ADAMTS18: variants seen among roughly 807,000 people sequenced by gnomAD.
ADAMTS18 encodes the protein A disintegrin and metalloproteinase with thrombospondin motifs 18.
In ADAMTS18, 157 loss-of-function variants were observed where a neutral mutation model predicts 165.9. The observed-to-expected ratio is 0.95, with a 90% CI of 0.83 to 1.08. The LOEUF (loss-of-function observed/expected upper bound fraction) is 1.08, where lower values mean the gene tolerates loss of function less well. Among genes scored for constraint, ADAMTS18 ranks in the 50% least tolerant of loss-of-function variants. The pLI is 0.00. For missense variants in ADAMTS18, 2,040 were observed against 1,534.0 expected (o/e 1.33, Z -5.51); for synonymous variants, 782 against 578.2 (o/e 1.35, Z -5.06).
chr16:77,316,730 T>C (rs868660765), intron 16 of ADAMTS18, among the ~76,000 whole-genome samples: 28 of 152,318 alleles, frequency 1.8e-4, no homozygotes, highest in Non-Finnish European at 3.1e-4. Context: ...AGTGCAGTGG[T>C]GCGATCTCGG....
rs2055190695 is a variant in ADAMTS18 at position 77,283,636 on chromosome 16, A to T, written c.*320T>A. ...TTTGCCCTTGAACCCTTTGAAGTTCAAAAGGGGGTCTCTCCCCAAATCGAC... is the reference window on the plus strand; with the variant it reads ...TTTGCCCTTGAACCCTTTGAAGTTCTAAAGGGGGTCTCTCCCCAAATCGAC... On this transcript the variant is annotated 3_prime_UTR_variant, in exon 23 of 23. Coordinates refer to ENST00000282849, the MANE Select transcript of ADAMTS18 (RefSeq NM_199355.4). 6.1e-6 allele frequency: 2 copies of T among 326,514 alleles called. No homozygotes were observed. Among genetic ancestry groups the T allele is most frequent in the African/African-American group, 4.3e-5 (2 of 46,478 alleles). The allele number at this position is 326,514 out of a possible 1,614,324, so 20.2% of individuals were successfully genotyped here. A position where few individuals can be genotyped will look rare whatever the true frequency, so the allele number is the denominator to read the frequency against.
intron 3 of ADAMTS18, 46 bp from the exon 4 acceptor site, chr16:77,367,769 C>G: frequency 6.2e-7 from 1 of 1,613,498 alleles, no homozygotes; most frequent in East Asian, 2.2e-5. Context: ...CCATGCATCC[C>G]TGTGCCAAGG....
chr16:77,427,629 A>G (rs1419052146), intron 3 of ADAMTS18, among the ~76,000 whole-genome samples: 1 of 152,164 alleles, frequency 6.6e-6, no homozygotes, highest in Admixed American at 6.5e-5. Flanking sequence ...TTTCTAGGTT[A>G]CCCTATAAAA....
intron 3 of ADAMTS18, among the ~76,000 whole-genome samples, chr16:77,388,348 C>A (rs1031635571): frequency 1.3e-5 from 2 of 152,208 alleles, no homozygotes; most frequent in Non-Finnish European, 2.9e-5. Flanking sequence ...GATCCGCCTG[C>A]CTCAGCCTCC....
chr16:77,355,958 T>C lies in ADAMTS18; in HGVS notation c.1442A>G (p.Tyr481Cys), dbSNP rs1180715980. Residue 481 changes from tyrosine (Y) to cysteine (C), a missense_variant, in exon 9 of 23, where the codon TAT (tyrosine) becomes TGT (cysteine). Coordinates refer to ENST00000282849, the MANE Select transcript of ADAMTS18 (RefSeq NM_199355.4). Reference sequence around the variant, plus strand: ...GTCATACCTGAGGAATTTCTTGAGATACTGGCGGCTGCAGGAAGACCATGA... The same window carrying C: ...GTCATACCTGAGGAATTTCTTGAGACACTGGCGGCTGCAGGAAGACCATGA... ...VFSWSSCSRQ[Y>C]LKKFLSTPQA... The C allele has an allele frequency of 6.2e-7, 1 of 1,613,954 alleles. No homozygotes were observed. Among genetic ancestry groups the C allele is most frequent in the Non-Finnish European group, 8.5e-7 (1 of 1,179,946 alleles).
chr16:77,290,965 C>T (rs935186567), intron 21 of ADAMTS18: 1 of 447,964 alleles, frequency 2.2e-6, no homozygotes, highest in Non-Finnish European at 4.1e-6. Flanking sequence ...TCCGTAGCAA[C>T]AGCAATGACC....
chr16:77,409,860 T>C (rs1402963088), intron 3 of ADAMTS18, among the ~76,000 whole-genome samples: 1 of 152,162 alleles, frequency 6.6e-6, no homozygotes, highest in Non-Finnish European at 1.5e-5. Context: ...GTTTATAATC[T>C]TTAAGACCTA....
intron 11 of ADAMTS18, 136 bp downstream of exon 11, chr16:77,341,568 A>G (rs1398348375): frequency 5.3e-6 from 4 of 751,434 alleles, no homozygotes; most frequent in African/African-American, 1.7e-5. Context: ...TTGCTGCTAT[A>G]TAATGTTGTT....
In ADAMTS18 at chr16:77,396,792, C is replaced by G. The variant is rs2057263056; in HGVS notation, c.496-29069G>C. ...CTTTGTTCACTAAACAAGTGCCAGT[C>G]TTCATTGCCTTTTTTTTTTTTTTTA... On this transcript the variant is annotated intron_variant, in intron 3 of 22. Transcript: ENST00000282849. Among the ~76,000 whole-genome samples the G allele has an allele frequency of 2.7e-5, 4 of 148,464 alleles. No homozygotes were observed. In the South Asian group the frequency reaches 8.6e-4, roughly 32 times the overall value.
chr16:77,386,922 G>A (rs1171223065), intron 3 of ADAMTS18, among the ~76,000 whole-genome samples: 2 of 152,126 alleles, frequency 1.3e-5, no homozygotes, highest in East Asian at 1.9e-4. Context: ...CTGTCCTACA[G>A]CAACAAACTA....
chr16:77,353,844 T>A lies in ADAMTS18; in HGVS notation c.1503A>T (p.Ala501=), dbSNP rs774495785. The change falls in exon 10 of 23, where the codon GCA becomes GCT. Residue 501 remains alanine (A), a synonymous_variant. Transcript: ENST00000282849. Reference sequence around the variant, plus strand: ...GTTTGTCCGGATATTTATACTGTCCTGCTTGCTTGGGCTCATCCACTAGAC... The same window carrying A: ...GTTTGTCCGGATATTTATACTGTCCAGCTTGCTTGGGCTCATCCACTAGAC... ...AGCLVDEPKQ[A]GQYKYPDKLP... is the part of the protein sequence containing the mutation. 43 of 1,614,070 alleles carry A rather than the reference T, an allele frequency of 2.7e-5. No individual in the cohort carries two copies. Among genetic ancestry groups the A allele is most frequent in the Non-Finnish European group, 3.6e-5 (42 of 1,180,044 alleles).
chr16:77,399,030 G>A (rs2057294056), intron 3 of ADAMTS18, among the ~76,000 whole-genome samples: 1 of 152,194 alleles, frequency 6.6e-6, no homozygotes, highest in African/African-American at 2.4e-5. Context: ...TGACCTGACT[G>A]CTATCTTTTC....
At chr16:77,334,186 A>G (rs1156287210) in intron 12 of ADAMTS18, among the ~76,000 whole-genome samples, 1 of 74,054 alleles carries the variant, frequency 1.4e-5, no homozygotes, top group Non-Finnish European at 2.4e-5. Flanking sequence ...TATAATATAT[A>G]GTGTTATATA....
intron 7 of ADAMTS18, among the ~76,000 whole-genome samples, chr16:77,361,624 C>T (rs1415036670): frequency 6.6e-6 from 1 of 152,190 alleles, no homozygotes; most frequent in Admixed American, 6.5e-5. Flanking sequence ...TGGCTCATGC[C>T]TGTAGTCCCA....
intron 3 of ADAMTS18, among the ~76,000 whole-genome samples, chr16:77,399,987 A>G (rs763724254): frequency 1.3e-5 from 2 of 152,176 alleles, no homozygotes; most frequent in African/African-American, 4.8e-5. Context: ...TGGGCTCTTT[A>G]AAATAAGCAA....
chr16:77,296,007 A>AGT (rs35084964), intron 18 of ADAMTS18, among the ~76,000 whole-genome samples: 68,160 of 146,866 alleles, frequency 0.46, 18,769 homozygotes, highest in Non-Finnish European at 0.63. Flanking sequence ...GAAAAAAAAA[A>AGT]GTGTGTGTGT....
At chr16:77,376,249 G>C (rs2056950932) in intron 3 of ADAMTS18, among the ~76,000 whole-genome samples, 1 of 152,082 alleles carries the variant, frequency 6.6e-6, no homozygotes, top group African/African-American at 2.4e-5. Flanking sequence ...GAGAGTGAAG[G>C]GGTATGTGCT....
chr16:77,287,445 T>C (rs2144552588), intron 22 of ADAMTS18, among the ~76,000 whole-genome samples: 1 of 152,178 alleles, frequency 6.6e-6, no homozygotes, highest in South Asian at 2.1e-4. Flanking sequence ...CCTTTATTCT[T>C]CCAAAAGCCA....
chr16:77,373,278 T>C lies in ADAMTS18; in HGVS notation c.496-5555A>G, dbSNP rs953069170. Among the ~76,000 whole-genome samples, 40 of 151,694 alleles carry C rather than the reference T, an allele frequency of 2.6e-4. 1 individual carries two copies. The highest frequency in any genetic ancestry group is 2.6e-4 in the Admixed American group (4 of 15,228). The stretch of plus-strand genomic sequence containing the variant: ...GGCTGAGGTCAGGAGATTGAGAACA[T>C]CCTGGCTAACACAGTGAAACCCTGT... On this transcript the variant is annotated intron_variant, in intron 3 of 22. Transcript: ENST00000282849.
Sources: allele counts gnomAD v4.1 joint callset (sites outside exome capture counted in the v4.1 genomes callset), GRCh38; gene constraint gnomAD v4.1.1; transcripts MANE v1.5; gene names NCBI Gene and HGNC (gene_info 2026-07-23, HGNC 2026-07-21).